The following ATAD2B variants were observed in gnomAD, a reference collection of about 807,000 sequenced individuals.
The protein encoded by ATAD2B is ATPase family AAA domain-containing protein 2B.
Under a neutral mutation model 167.6 loss-of-function variants are expected in ATAD2B, and 40 were observed. The observed-to-expected ratio is 0.24, with a 90% CI of 0.19 to 0.31. ATAD2B has a LOEUF of 0.31. Among genes scored for constraint, ATAD2B ranks in the 10% least tolerant of loss-of-function variants. ATAD2B has a pLI of 1.00. For synonymous variants in ATAD2B, 579 were observed against 596.5 expected (o/e 0.97, Z 0.43); for missense variants, 1,242 against 1,757.2 (o/e 0.71, Z 5.24).
intron 13 of ATAD2B, among the ~76,000 whole-genome samples, chr2:23,852,560 T>G (rs1692735692): frequency 6.6e-6 from 1 of 152,224 alleles, no homozygotes; most frequent in Admixed American, 6.5e-5. Context: ...TCCAATAATT[T>G]TTTAAGAAAG....
At chr2:23,823,981 T>C (rs1687861541) in intron 15 of ATAD2B, among the ~76,000 whole-genome samples, 1 of 152,094 alleles carries the variant, frequency 6.6e-6, no homozygotes, top group Non-Finnish European at 1.5e-5. Flanking sequence ...GGTCTCACTC[T>C]GTTGCCCAGC....
At chr2:23,818,414 A>G (rs559279230) in intron 17 of ATAD2B, among the ~76,000 whole-genome samples, 1 of 151,392 alleles carries the variant, frequency 6.6e-6, no homozygotes, top group African/African-American at 2.4e-5. Context: ...TATCAATAAA[A>G]CAAATCTGTA....
intron 25 of ATAD2B, among the ~76,000 whole-genome samples, chr2:23,755,328 G>T (rs1435537042): frequency 6.6e-6 from 1 of 152,162 alleles, no homozygotes; most frequent in Admixed American, 6.5e-5. Flanking sequence ...CATTAAAAGT[G>T]TAATAGGGCT....
chr2:23,769,033 T>C (rs1677882824), intron 22 of ATAD2B, among the ~76,000 whole-genome samples: 2 of 152,148 alleles, frequency 1.3e-5, no homozygotes, highest in Admixed American at 6.6e-5. Context: ...TACTAAGGGG[T>C]GGAATGGCTA....
chr2:23,695,747 C>T, the ATAD2B span: 4 of 1,551,526 alleles, frequency 2.6e-6, no homozygotes, highest in Non-Finnish European at 3.5e-6. This position sits in a 1 kb window ranked among gnomAD's most constrained non-coding sequence, Gnocchi z 7.6. Context: ...GTGAACGAGG[C>T]CAAACGCTAC....
chr2:23,848,330 A>G (rs1404988213), intron 13 of ATAD2B, among the ~76,000 whole-genome samples: 1 of 152,008 alleles, frequency 6.6e-6, no homozygotes, highest in Non-Finnish European at 1.5e-5. Flanking sequence ...AAACACAAAA[A>G]TTAGCCAGGC....
intron 22 of ATAD2B, among the ~76,000 whole-genome samples, chr2:23,776,952 A>C (rs1025245475): frequency 2.0e-5 from 3 of 152,206 alleles, no homozygotes; most frequent in African/African-American, 7.2e-5. Flanking sequence ...AACTCCCAGT[A>C]CCTTAAAATA....
intron 22 of ATAD2B, among the ~76,000 whole-genome samples, chr2:23,773,630 G>C (rs1027201982): frequency 1.3e-5 from 2 of 152,194 alleles, no homozygotes; most frequent in Non-Finnish European, 2.9e-5. Flanking sequence ...GTTTAAAATT[G>C]TGTGGGAATA....
At chr2:23,821,839 A>T (rs1158939172) in intron 16 of ATAD2B, among the ~76,000 whole-genome samples, 4 of 152,146 alleles carry the variant, frequency 2.6e-5, no homozygotes, top group Non-Finnish European at 5.9e-5. Context: ...ATTTTTTAAG[A>T]GACAGGGTTT....
chr2:23,842,741 C>A (rs181854031), intron 13 of ATAD2B, among the ~76,000 whole-genome samples: 89 of 152,258 alleles, frequency 5.8e-4, no homozygotes, highest in African/African-American at 2.1e-3. Context: ...CTACCCAGAT[C>A]TCTAGCTGGT....
At chr2:23,686,919 A>G in the ATAD2B span, among the ~76,000 whole-genome samples, 2 of 152,196 alleles carry the variant, frequency 1.3e-5, no homozygotes, top group Non-Finnish European at 2.9e-5. Context: ...CACATGACCA[A>G]GAAGTGCCTT....
chr2:23,926,643 G>C lies in ATAD2B; in HGVS notation c.128C>G (p.Thr43Ser). 1 of 1,563,800 alleles carries C rather than the reference G, an allele frequency of 6.4e-7. No homozygotes were observed. The highest frequency in any genetic ancestry group is 2.4e-5 in the East Asian group (1 of 41,940). The change falls in exon 1 of 28, where the codon ACC becomes AGC. Residue 43 changes from threonine (T) to serine (S), a missense_variant. Thr to Ser is a moderately conservative substitution (Grantham distance 58, BLOSUM62 1). Around this residue, in one of 9 missense-constraint regions of ATAD2B, gnomAD observed 199 missense variants for 194.9 expected, o/e 1.02. Transcript: ENST00000238789. ...GGSSHFISSRTRSSKTRAASC... is the reference protein window; with the variant it reads ...GGSSHFISSRSRSSKTRAASC... ...GGCGGCGCGGGTCTTGGAGGAGCGG[G>C]TCCGAGAGGAGATGAAATGGCTGCT... is the stretch of plus-strand genomic sequence containing the variant.
chr2:23,729,149 T>C, the ATAD2B span, among the ~76,000 whole-genome samples: 22 of 152,156 alleles, frequency 1.4e-4, no homozygotes, highest in East Asian at 3.8e-4. Flanking sequence ...TCCTCCAACA[T>C]TGGGGATTAC....
intron 1 of ATAD2B, among the ~76,000 whole-genome samples, chr2:23,907,525 T>C (rs2150491801): frequency 1.3e-5 from 2 of 152,272 alleles, no homozygotes. Context: ...ATCAATATCA[T>C]GAAAATGGCC....
intron 19 of ATAD2B, among the ~76,000 whole-genome samples, chr2:23,792,713 A>T (rs1356253005): frequency 6.6e-6 from 1 of 152,044 alleles, no homozygotes; most frequent in Non-Finnish European, 1.5e-5. Context: ...CTGTAATCCC[A>T]ACACTTTGGG....
intron 12 of ATAD2B, among the ~76,000 whole-genome samples, chr2:23,860,903 G>A (rs1263443960): frequency 2.0e-5 from 3 of 152,126 alleles, no homozygotes; most frequent in Admixed American, 6.6e-5. Context: ...CCCAGGAGGT[G>A]GAGGTTGCAG....
At chr2:23,904,533 CTTCCTT>C (rs1225526490) in intron 1 of ATAD2B, among the ~76,000 whole-genome samples, 3 of 108,626 alleles carry the variant, frequency 2.8e-5, no homozygotes, top group Non-Finnish European at 5.6e-5. Context: ...AAGGATTTTC[CTTCCTT>C]TTTTTTTTTT....
chr2:23,878,135 T>C (rs1697309860), intron 7 of ATAD2B, among the ~76,000 whole-genome samples: 1 of 151,058 alleles, frequency 6.6e-6, no homozygotes, highest in Admixed American at 6.6e-5. Context: ...CCAACATGTG[T>C]GGATCACCTA....
intron 22 of ATAD2B, among the ~76,000 whole-genome samples, chr2:23,770,043 C>T (rs1473195020): frequency 2.0e-5 from 3 of 151,802 alleles, no homozygotes; most frequent in Admixed American, 6.6e-5. Flanking sequence ...GACACAGTAG[C>T]TCACATCTGT....
Sources: gnomAD v4.1 joint callset for allele counts (sites outside exome capture counted in the v4.1 genomes callset) on GRCh38, gnomAD v4.1.1 for gene constraint, gnomAD v4.1.1 regional missense constraint, Gnocchi (gnomAD v3.1) non-coding constraint, MANE v1.5 for transcripts, NCBI Gene and HGNC (gene_info 2026-07-23, HGNC 2026-07-21) for gene names.